The following EYS variants were observed in gnomAD, a reference collection of about 807,000 sequenced individuals.
The protein encoded by EYS is EGF-like photoreceptor maintenance factor.
EYS carries 250 observed loss-of-function variants against 282.1 expected under a neutral mutation model. The observed-to-expected ratio is 0.89, with a 90% CI of 0.80 to 0.98. EYS has a LOEUF of 0.98. Ranked by LOEUF, EYS falls within the 50% of genes least tolerant of loss-of-function variation. The pLI, the probability that EYS is intolerant of heterozygous loss-of-function variation, is 0.00. For missense variants in EYS, 4,016 were observed against 3,709.0 expected, an observed-to-expected ratio of 1.08 and a Z score of -2.15; for synonymous variants, 1,355 against 1,282.9, an observed-to-expected ratio of 1.06 and a Z score of -1.20.
chr6:65,083,745 C>G (rs956964301), intron 12 of EYS, among the ~76,000 whole-genome samples: 1 of 151,728 alleles, frequency 6.6e-6, no homozygotes, highest in Admixed American at 6.6e-5. Flanking sequence ...TTTATTGAGA[C>G]TGGTCTCTAA....
At chr6:63,856,941 T>C (rs1362120614) in intron 36 of EYS, among the ~76,000 whole-genome samples, 5 of 152,198 alleles carry the variant, frequency 3.3e-5, no homozygotes, top group African/African-American at 1.2e-4. Context: ...TATTGAAATA[T>C]GTAGTTCAGG....
intron 40 of EYS, among the ~76,000 whole-genome samples, chr6:63,770,098 T>C (rs1321485731): frequency 6.6e-6 from 1 of 151,980 alleles, no homozygotes; most frequent in Non-Finnish European, 1.5e-5. Context: ...TAAAATATAA[T>C]ATTCAGTTTC....
At chr6:65,286,136 T>C (rs1244013661) in intron 12 of EYS, among the ~76,000 whole-genome samples, 1 of 151,908 alleles carries the variant, frequency 6.6e-6, no homozygotes, top group African/African-American at 2.4e-5. Context: ...GTCATTTTCA[T>C]ACTTAGACCT....
chr6:64,846,488 G>C (rs186141316), intron 19 of EYS, among the ~76,000 whole-genome samples: 59 of 152,094 alleles, frequency 3.9e-4, no homozygotes, highest in Admixed American at 3.3e-3. Flanking sequence ...AAAAACAAAT[G>C]GGATCTAAAT....
At chr6:65,631,283 G>A (rs1182142899) in intron 2 of EYS, among the ~76,000 whole-genome samples, 1 of 152,134 alleles carries the variant, frequency 6.6e-6, no homozygotes, top group Non-Finnish European at 1.5e-5. Flanking sequence ...GGATGGGGCT[G>A]GGTGGTGAGT....
rs369971619 is a variant in EYS, at chr6:63,847,062, T to C, written c.7228+17124A>G. On this transcript the variant is annotated intron_variant, in intron 36 of 42. Transcript: ENST00000503581. ...CATGGATAACATTAAATAATTCATA[T>C]GTTTTGAGACATGAGTTATATTTCT... Among the ~76,000 whole-genome samples the C allele has an allele frequency of 4.6e-5, 7 of 152,316 alleles. No homozygotes were observed. The East Asian group carries it at 7.7e-4, about 17-fold the overall frequency.
chr6:64,555,985 T>TTAAAAGAA (rs1765221797), intron 26 of EYS, among the ~76,000 whole-genome samples: 1 of 151,632 alleles, frequency 6.6e-6, no homozygotes, highest in Non-Finnish European at 1.5e-5. Context: ...AAACAGACAA[T>TTAAAAGAA]AAAAAGTGCT....
rs144291421 is a variant in EYS, at chr6:64,582,637, G to C, written c.5644+7586C>G. 2.2e-3 allele frequency among the ~76,000 whole-genome samples: 334 copies of C among 150,554 alleles called. 1 individual carries two copies. Among genetic ancestry groups the C allele is most frequent in the African/African-American group, 7.8e-3 (319 of 40,888 alleles). ...TCCAAGGTCATGTACCACTGAGATGGGTATTCAGCAATGAAAATGAAAGTA... is the reference window on the plus strand; with the variant it reads ...TCCAAGGTCATGTACCACTGAGATGCGTATTCAGCAATGAAAATGAAAGTA... On this transcript the variant is annotated intron_variant, in intron 26 of 42. Coordinates refer to ENST00000503581, the MANE Select transcript of EYS (RefSeq NM_001142800.2).
At chr6:64,333,462 G>T (rs1013349584) in intron 29 of EYS, among the ~76,000 whole-genome samples, 35 of 152,124 alleles carry the variant, frequency 2.3e-4, no homozygotes, top group Non-Finnish European at 4.3e-4. Flanking sequence ...TGCCCTGATT[G>T]TTAAAATCAG....
At chr6:64,007,566 C>G (rs1768410186) in intron 33 of EYS, among the ~76,000 whole-genome samples, 1 of 151,810 alleles carries the variant, frequency 6.6e-6, no homozygotes, top group Non-Finnish European at 1.5e-5. Context: ...TTCTCCAGTT[C>G]CTCTAGATGT....
intron 35 of EYS, among the ~76,000 whole-genome samples, chr6:63,911,721 T>C (rs1446713025): frequency 6.6e-6 from 1 of 152,158 alleles, no homozygotes; most frequent in Non-Finnish European, 1.5e-5. Flanking sequence ...AATACAAATA[T>C]TTTTCCTTTG....
At chr6:64,964,228 A>G (rs552595542) in intron 14 of EYS, among the ~76,000 whole-genome samples, 1 of 152,232 alleles carries the variant, frequency 6.6e-6, no homozygotes, top group Admixed American at 6.5e-5. Flanking sequence ...GTATTCATGT[A>G]AATTATGAAG....
intron 22 of EYS, among the ~76,000 whole-genome samples, chr6:64,757,472 T>C (rs1036360126): frequency 1.3e-5 from 2 of 152,156 alleles, no homozygotes; most frequent in African/African-American, 4.8e-5. Flanking sequence ...GCACATTAAA[T>C]ACACAAGTAT....
intron 26 of EYS, among the ~76,000 whole-genome samples, chr6:64,581,551 C>G (rs773633516): frequency 6.6e-6 from 1 of 152,038 alleles, no homozygotes; most frequent in Non-Finnish European, 1.5e-5. Flanking sequence ...TACCATTTAT[C>G]TTTATGTTGC....
rs117113255 is a variant in EYS at position 64,117,118 on chromosome 6, C to T, written c.6425-35116G>A. Among the ~76,000 whole-genome samples the T allele has an allele frequency of 1.3e-4, 20 of 152,086 alleles. 1 individual carries two copies. In the East Asian group the frequency reaches 3.5e-3, roughly 26 times the overall value. ...GCATACAACAGTTGAACAAAGCACA[C>T]CTTCCTCAAGCACATGCAGAACATT... On this transcript the variant is annotated intron_variant, in intron 31 of 42. Coordinates refer to ENST00000503581, the MANE Select transcript of EYS (RefSeq NM_001142800.2).
chr6:64,012,554 A>G (rs1768687124), intron 33 of EYS, among the ~76,000 whole-genome samples: 3 of 152,212 alleles, frequency 2.0e-5, no homozygotes. Flanking sequence ...GGAAACATGG[A>G]AAATATATTT....
intron 22 of EYS, among the ~76,000 whole-genome samples, chr6:64,792,382 T>C (rs1774218303): frequency 6.6e-6 from 1 of 151,940 alleles, no homozygotes; most frequent in South Asian, 2.1e-4. Flanking sequence ...TATTAAAATA[T>C]AAAATTTAGA....
chr6:64,290,501 G>T (rs558171629), intron 30 of EYS, among the ~76,000 whole-genome samples: 1 of 152,186 alleles, frequency 6.6e-6, no homozygotes, highest in East Asian at 1.9e-4. Context: ...AATCTTCACT[G>T]ATGTAACAAA....
At chr6:65,399,896 A>G (rs1766427502) in intron 7 of EYS, among the ~76,000 whole-genome samples, 2 of 151,920 alleles carry the variant, frequency 1.3e-5, no homozygotes. Flanking sequence ...GCTGGACTTC[A>G]TGGTTGCAAA....
Sources: allele counts gnomAD v4.1 joint callset (sites outside exome capture counted in the v4.1 genomes callset), GRCh38; gene constraint gnomAD v4.1.1; transcripts MANE v1.5; gene names NCBI Gene and HGNC (gene_info 2026-07-23, HGNC 2026-07-21).